The following DPP6 variants were observed in gnomAD, a reference collection of about 807,000 sequenced individuals.
The protein encoded by DPP6 is A-type potassium channel modulatory protein DPP6.
DPP6 carries 69 observed loss-of-function variants against 122.6 expected under a neutral mutation model. The observed-to-expected ratio is 0.56, with a 90% CI of 0.46 to 0.69. The LOEUF is 0.69. Among genes scored for constraint, DPP6 ranks in the 30% least tolerant of loss-of-function variants. The pLI is 0.00. For synonymous variants in DPP6, 418 were observed against 433.1 expected (o/e 0.97, Z 0.43); for missense variants, 928 against 1,116.9 (o/e 0.83, Z 2.41).
intron 8 of DPP6, among the ~76,000 whole-genome samples, chr7:154,749,498 T>C: frequency 7.9e-6 from 1 of 126,260 alleles, no homozygotes; most frequent in South Asian, 2.5e-4. Flanking sequence ...GAGAGAGGGA[T>C]GGAGGCTTTA....
intron 1 of DPP6, among the ~76,000 whole-genome samples, chr7:154,235,139 A>G (rs1439314814): frequency 1.3e-5 from 2 of 152,190 alleles, no homozygotes; most frequent in Admixed American, 1.3e-4. Flanking sequence ...GGACATTTTT[A>G]TCACCCCCGA....
At chr7:154,063,503 TAA>T (rs1802386056) in intron 1 of DPP6, among the ~76,000 whole-genome samples, 1 of 98,324 alleles carries the variant, frequency 1.0e-5, no homozygotes, top group Non-Finnish European at 2.1e-5. Context: ...CCCTGGCTCT[TAA>T]GACCCCCATC....
chr7:154,526,403 A>G (rs1827409251), intron 3 of DPP6, among the ~76,000 whole-genome samples: 1 of 152,186 alleles, frequency 6.6e-6, no homozygotes, highest in African/African-American at 2.4e-5. Flanking sequence ...ATCACTTAAT[A>G]TAACCTCGTA....
chr7:154,662,261 T>C (rs1298854565), intron 6 of DPP6, among the ~76,000 whole-genome samples: 12 of 151,684 alleles, frequency 7.9e-5, no homozygotes, highest in Middle Eastern at 3.4e-3. Flanking sequence ...ATAGTGTTCA[T>C]ATAGTCATGG....
At chr7:154,824,619 G>A (rs1260907712) in intron 16 of DPP6, among the ~76,000 whole-genome samples, 1 of 152,162 alleles carries the variant, frequency 6.6e-6, no homozygotes. Context: ...AATTAGAAGA[G>A]GTGGGAAGTA....
At chr7:154,779,047 TA>T (rs1796816708) in intron 10 of DPP6, among the ~76,000 whole-genome samples, 1 of 6,054 alleles carries the variant, frequency 1.7e-4, no homozygotes, top group South Asian at 0.01. Context: ...CCACCACAAC[TA>T]CCCCCACCAT....
At chr7:154,013,420 C>G in intron 1 of DPP6, among the ~76,000 whole-genome samples, 1 of 150,440 alleles carries the variant, frequency 6.6e-6, no homozygotes, top group Non-Finnish European at 1.5e-5. Flanking sequence ...AACTTTTAGT[C>G]CAGTGTGTAT....
chr7:154,486,469 G>C lies in DPP6; in HGVS notation c.457+11432G>C, dbSNP rs1448241112. ...TATTACCACGTTCCTGGCCATATTA[G>C]GTTCTTTGGCAGCTTTGTGACTTTA... On this transcript the variant is annotated intron_variant, in intron 3 of 25. Transcript: ENST00000377770. The surrounding 1 kb of genome is among the most constrained non-coding windows in gnomAD (Gnocchi z 4.5). 6.6e-6 allele frequency among the ~76,000 whole-genome samples: 1 copy of C among 152,124 alleles called. No individual in the cohort carries two copies. Among genetic ancestry groups the C allele is most frequent in the Non-Finnish European group, 1.5e-5 (1 of 68,028 alleles).
the DPP6 span, among the ~76,000 whole-genome samples, chr7:153,807,102 A>G: frequency 6.6e-6 from 1 of 151,922 alleles, no homozygotes; most frequent in Admixed American, 6.6e-5. Flanking sequence ...TCTGTTAGAG[A>G]TTAGAATGCA....
In DPP6 at chr7:154,535,456, G is replaced by A. The variant is rs577234367; in HGVS notation, c.458-5076G>A. 1.6e-3 allele frequency among the ~76,000 whole-genome samples: 239 copies of A among 151,430 alleles called. 2 individuals are homozygous for A. Among genetic ancestry groups the A allele is most frequent in the Middle Eastern group, 3.4e-3 (1 of 292 alleles). On this transcript the variant is annotated intron_variant, in intron 3 of 25. Coordinates refer to ENST00000377770, the MANE Select transcript of DPP6 (RefSeq NM_130797.4). ...CAGAATGTGCAGTTTTGTTACATAG[G>A]TATACACATGCCATGGTGGTTTGCT...
At chr7:154,092,740 A>G (rs2150552674) in intron 1 of DPP6, 1 of 152,178 alleles carries the variant, frequency 6.6e-6, no homozygotes, top group East Asian at 1.9e-4. Flanking sequence ...TTTGAAATGA[A>G]CAAGTAATTG....
intron 1 of DPP6, among the ~76,000 whole-genome samples, chr7:153,910,328 C>G (rs563454237): frequency 3.0e-4 from 45 of 151,672 alleles, no homozygotes; most frequent in Non-Finnish European, 5.6e-4. Context: ...CTCCTGCGTT[C>G]AAGCACTTCT....
At chr7:154,385,211 C>A (rs935350832) in intron 1 of DPP6, among the ~76,000 whole-genome samples, 1 of 152,098 alleles carries the variant, frequency 6.6e-6, no homozygotes, top group Admixed American at 6.5e-5. Flanking sequence ...CCTCATGATC[C>A]GCCCGCCTCG....
At chr7:154,218,307 G>T (rs1315650764) in intron 1 of DPP6, among the ~76,000 whole-genome samples, 1 of 152,148 alleles carries the variant, frequency 6.6e-6, no homozygotes, top group Non-Finnish European at 1.5e-5. Context: ...CTGTCACCCT[G>T]AACTGCCCAG....
chr7:154,493,419 G>A (rs1049122576), intron 3 of DPP6, among the ~76,000 whole-genome samples: 2 of 152,166 alleles, frequency 1.3e-5, no homozygotes, highest in Non-Finnish European at 2.9e-5. Flanking sequence ...CTCATCACAG[G>A]CCTCACAGGG....
At chr7:154,750,185 A>G (rs1843303482) in intron 8 of DPP6, among the ~76,000 whole-genome samples, 1 of 152,212 alleles carries the variant, frequency 6.6e-6, no homozygotes, top group Non-Finnish European at 1.5e-5. Context: ...GGGTCTTTAC[A>G]GAGAAAGGCT....
At chr7:154,247,924 G>C (rs1479960150) in intron 1 of DPP6, among the ~76,000 whole-genome samples, 1 of 152,074 alleles carries the variant, frequency 6.6e-6, no homozygotes, top group African/African-American at 2.4e-5. Context: ...TAGTCGGTTT[G>C]GGCTGCTATA....
intron 1 of DPP6, among the ~76,000 whole-genome samples, chr7:154,177,645 G>A (rs577575948): frequency 2.8e-4 from 42 of 152,230 alleles, no homozygotes; most frequent in African/African-American, 9.1e-4. Context: ...GTTCCTTTAC[G>A]CACTTTTTAA....
At chr7:154,239,727 G>C (rs140429947) in intron 1 of DPP6, among the ~76,000 whole-genome samples, 1,855 of 150,986 alleles carry the variant, frequency 0.012, 36 homozygotes, top group African/African-American at 0.042. Flanking sequence ...AATCCCAACA[G>C]TTTGGGAGGC....
Sources: gnomAD v4.1 joint callset for allele counts (sites outside exome capture counted in the v4.1 genomes callset) on GRCh38, gnomAD v4.1.1 for gene constraint, Gnocchi (gnomAD v3.1) non-coding constraint, MANE v1.5 for transcripts, NCBI Gene and HGNC (gene_info 2026-07-23, HGNC 2026-07-21) for gene names.